Variants in ADGRL2 observed in about 807,000 individuals in gnomAD.
ADGRL2 encodes adhesion G protein-coupled receptor L2.
Under a neutral mutation model 157.4 loss-of-function variants are expected in ADGRL2, and 44 were observed. The ratio of observed to expected loss-of-function variants is 0.28; its 90% CI spans 0.22 to 0.36. The LOEUF (loss-of-function observed/expected upper bound fraction) is 0.36. Among genes scored for constraint, ADGRL2 ranks in the 10% least tolerant of loss-of-function variants. The probability of loss-of-function intolerance (pLI) is 1.00; values close to 1 mark genes in which losing one functional copy is unlikely to be tolerated. For synonymous variants in ADGRL2, 585 were observed against 624.7 expected (o/e 0.94, Z 0.95); for missense variants, 1,510 against 1,768.9 (o/e 0.85, Z 2.63).
At chr1:81,548,954 C>A (rs2080081917) in intron 2 of ADGRL2, among the ~76,000 whole-genome samples, 1 of 152,128 alleles carries the variant, frequency 6.6e-6, no homozygotes, top group African/African-American at 2.4e-5. Context: ...CTAGAAAAAG[C>A]CAACAGATTT....
chr1:81,811,666 A>G (rs2089884791), intron 1 of ADGRL2, among the ~76,000 whole-genome samples: 2 of 151,784 alleles, frequency 1.3e-5, no homozygotes, highest in South Asian at 4.1e-4. Context: ...AACCCAGATC[A>G]GTTTTTTTTT....
intron 1 of ADGRL2, among the ~76,000 whole-genome samples, chr1:81,351,494 CA>C (rs1662882381): frequency 6.6e-6 from 1 of 151,588 alleles, no homozygotes; most frequent in East Asian, 1.9e-4. Flanking sequence ...ATTTTAAAGT[CA>C]ACAAGAAATA....
In ADGRL2 at chr1:81,990,835, C is replaced by T; in HGVS notation, c.4100C>T (p.Ala1367Val). The T allele has an allele frequency of 6.2e-7, 1 of 1,614,068 alleles. No homozygotes were observed. Among genetic ancestry groups the T allele is most frequent in the African/African-American group, 1.3e-5 (1 of 75,026 alleles). The change falls in exon 24 of 24, where the codon GCA becomes GTA. Residue 1367 changes from alanine to valine, a missense_variant. Ala to Val is a moderately conservative substitution (Grantham distance 64, BLOSUM62 0). Around this residue, in one of 4 missense-constraint regions of ADGRL2, gnomAD observed 327 missense variants for 310.1 expected, o/e 1.05. Coordinates refer to ENST00000686636, the MANE Select transcript of ADGRL2 (RefSeq NM_001366006.2). ...GTDSYVSQLT[A>V]EAEDHLQSPN... ...GACAGCTATGTCTCCCAACTGACAG[C>T]AGAGGCTGAAGATCACCTACAGTCC...
intron 1 of ADGRL2, among the ~76,000 whole-genome samples, chr1:81,421,036 T>C (rs1185236621): frequency 1.3e-5 from 2 of 152,136 alleles, no homozygotes; most frequent in African/African-American, 4.8e-5. Context: ...ATAGCATCTT[T>C]TGGGTTTTCA....
intron 2 of ADGRL2, among the ~76,000 whole-genome samples, chr1:81,572,726 C>A (rs999781583): frequency 1.3e-5 from 2 of 151,940 alleles, no homozygotes; most frequent in African/African-American, 2.4e-5. Flanking sequence ...AGTTTCCTGG[C>A]CAAATTATTT....
At chr1:81,876,676 A>T (rs756103266) in intron 2 of ADGRL2, among the ~76,000 whole-genome samples, 1 of 152,088 alleles carries the variant, frequency 6.6e-6, no homozygotes, top group African/African-American at 2.4e-5. Flanking sequence ...CTAATTTGTG[A>T]CTCGAGGGAT....
chr1:81,412,631 C>G (rs1273364407), intron 1 of ADGRL2, among the ~76,000 whole-genome samples: 24 of 152,276 alleles, frequency 1.6e-4, no homozygotes, highest in African/African-American at 5.8e-4. Context: ...AGTAATATTA[C>G]TTGTTATGTA....
At chr1:81,307,946 G>A (rs975522365) in intron 1 of ADGRL2, among the ~76,000 whole-genome samples, 1 of 152,094 alleles carries the variant, frequency 6.6e-6, no homozygotes, top group African/African-American at 2.4e-5. Context: ...CTGTGCAGAG[G>A]GCAATCTTTC....
chr1:81,525,321 GCA>G (rs1262254101), intron 2 of ADGRL2, among the ~76,000 whole-genome samples: 1 of 149,706 alleles, frequency 6.7e-6, no homozygotes, highest in Non-Finnish European at 1.5e-5. Flanking sequence ...ATTCCAAAGT[GCA>G]CTTTTTTTTT....
At chr1:81,688,492 C>T (rs1057438449) in intron 3 of ADGRL2, among the ~76,000 whole-genome samples, 1 of 152,054 alleles carries the variant, frequency 6.6e-6, no homozygotes, top group Non-Finnish European at 1.5e-5. Flanking sequence ...TTTCATATTT[C>T]TAAAAGTGTC....
At chr1:81,619,109 C>T (rs1242445941) in intron 3 of ADGRL2, among the ~76,000 whole-genome samples, 1 of 152,210 alleles carries the variant, frequency 6.6e-6, no homozygotes, top group East Asian at 1.9e-4. Flanking sequence ...ATCTCAATTG[C>T]TGTACCATGT....
intron 18 of ADGRL2, among the ~76,000 whole-genome samples, chr1:81,981,482 G>A (rs978258618): frequency 6.6e-6 from 1 of 151,954 alleles, no homozygotes; most frequent in Admixed American, 6.6e-5. Flanking sequence ...AATTAATTAA[G>A]CACTCCTTAA....
At chr1:81,761,196 A>T (rs1308010356) in intron 1 of ADGRL2, among the ~76,000 whole-genome samples, 6 of 151,894 alleles carry the variant, frequency 4.0e-5, no homozygotes, top group African/African-American at 1.4e-4. Context: ...GATTCCAAAG[A>T]TATCTTAACA....
chr1:81,910,221 G>A (rs1428009393), intron 3 of ADGRL2, among the ~76,000 whole-genome samples: 2 of 140,624 alleles, frequency 1.4e-5, no homozygotes, highest in African/African-American at 2.6e-5. Flanking sequence ...CCTGGGCAAC[G>A]GAGTGAGACT....
At chr1:81,630,503 A>G (rs1020416722) in intron 3 of ADGRL2, among the ~76,000 whole-genome samples, 1 of 152,214 alleles carries the variant, frequency 6.6e-6, no homozygotes, top group Non-Finnish European at 1.5e-5. Context: ...GGTGAAATAC[A>G]TATGATAGAA....
At chr1:81,868,718 C>G (rs1288055446) in intron 2 of ADGRL2, among the ~76,000 whole-genome samples, 1 of 152,082 alleles carries the variant, frequency 6.6e-6, no homozygotes, top group East Asian at 1.9e-4. Context: ...ACCTACAAAA[C>G]TCTGTTAACT....
chr1:81,543,710 C>G (rs937480061), intron 2 of ADGRL2, among the ~76,000 whole-genome samples: 1 of 152,134 alleles, frequency 6.6e-6, no homozygotes, highest in Non-Finnish European at 1.5e-5. Context: ...CAGTCAACAA[C>G]ACCCCTTAAA....
intron 15 of ADGRL2, 116 bp downstream of exon 15, chr1:81,969,503 G>A (rs1040534445): frequency 1.1e-5 from 7 of 649,268 alleles, no homozygotes; most frequent in African/African-American, 9.1e-5. Flanking sequence ...GAATTGATAC[G>A]GCAATATTGA....
chr1:81,596,383 C>T (rs967360227), intron 3 of ADGRL2: 9 of 502,712 alleles, frequency 1.8e-5, no homozygotes, highest in Non-Finnish European at 3.1e-5. Context: ...TCCTTTCCTC[C>T]TCTGATCAAG....
Sources: allele counts gnomAD v4.1 joint callset (sites outside exome capture counted in the v4.1 genomes callset), GRCh38; gene constraint gnomAD v4.1.1; regional missense constraint gnomAD v4.1.1; transcripts MANE v1.5; gene names NCBI Gene and HGNC (gene_info 2026-07-23, HGNC 2026-07-21).